Variants in UNC13C observed in about 807,000 individuals in gnomAD.
UNC13C encodes unc-13 homolog C, also known as protein unc-13 homolog C.
Under a neutral mutation model 245.4 loss-of-function variants are expected in UNC13C, and 174 were observed. The observed-to-expected ratio is 0.71, with a 90% CI of 0.63 to 0.80. UNC13C has a LOEUF of 0.80. UNC13C is among the 30% of genes least tolerant of loss of function. The probability of loss-of-function intolerance (pLI) is 0.00; values close to 1 mark genes in which losing one functional copy is unlikely to be tolerated. For synonymous variants in UNC13C, 992 were observed against 895.1 expected, an observed-to-expected ratio of 1.11 and a Z score of -1.93; for missense variants, 2,829 against 2,602.9, an observed-to-expected ratio of 1.09 and a Z score of -1.89.
At chr15:53,858,567 T>C in the UNC13C span, among the ~76,000 whole-genome samples, 1 of 152,026 alleles carries the variant, frequency 6.6e-6, no homozygotes, top group Non-Finnish European at 1.5e-5. Context: ...ATTACAGGCA[T>C]GCCTCACCGC....
chr15:54,582,981 C>T (rs1343394205), intron 30 of UNC13C, among the ~76,000 whole-genome samples: 1 of 152,128 alleles, frequency 6.6e-6, no homozygotes, highest in African/African-American at 2.4e-5. Flanking sequence ...TTCAGCATCA[C>T]CTGTCGGGCT....
chr15:54,515,440 A>G (rs1172111201), intron 24 of UNC13C, among the ~76,000 whole-genome samples: 1 of 152,210 alleles, frequency 6.6e-6, no homozygotes, highest in Non-Finnish European at 1.5e-5. Context: ...ATTGCAAATA[A>G]TTACTTAGCT....
chr15:54,305,671 C>T (rs894291485), intron 13 of UNC13C, among the ~76,000 whole-genome samples: 6 of 151,944 alleles, frequency 3.9e-5, no homozygotes, highest in Non-Finnish European at 5.9e-5. Context: ...AAACCTAGAA[C>T]GCAACATTTG....
chr15:53,873,277 G>A, the UNC13C span, among the ~76,000 whole-genome samples: 6 of 151,974 alleles, frequency 3.9e-5, no homozygotes, highest in African/African-American at 1.5e-4. Context: ...AGTTTTCTGC[G>A]GAGACTGGGG....
intron 4 of UNC13C, among the ~76,000 whole-genome samples, chr15:54,210,166 T>C (rs1237344399): frequency 6.7e-6 from 1 of 150,258 alleles, no homozygotes; most frequent in Non-Finnish European, 1.5e-5. Context: ...AGAAATGAAA[T>C]AAATATTTAT....
At position 54,322,019 on chromosome 15, in the gene UNC13C, C is replaced by T. The variant is rs1245780696; in HGVS notation, c.4349C>T (p.Ala1450Val). 1 of 1,589,038 alleles carries T rather than the reference C, an allele frequency of 6.3e-7. No individual in the cohort carries two copies. The highest frequency in any genetic ancestry group is 8.6e-7 in the Non-Finnish European group (1 of 1,166,258). ...VMSTLLANIN[A>V]FYAHTTVSTN... ...AGCACCTTGCTGGCTAATATAAATG[C>T]TTTTTATGCTCACACAACAGTTTCA... The change falls in exon 14 of 33, where the codon GCT becomes GTT. Residue 1450 changes from alanine to valine, a missense_variant. Transcript: ENST00000260323.
At chr15:54,135,071 A>G (rs940209079) in intron 2 of UNC13C, among the ~76,000 whole-genome samples, 1 of 152,258 alleles carries the variant, frequency 6.6e-6, no homozygotes, top group Non-Finnish European at 1.5e-5. Context: ...GATGAATGAT[A>G]TTGAGCACCT....
chr15:54,464,735 C>A (rs949653206), intron 19 of UNC13C, among the ~76,000 whole-genome samples: 3 of 152,054 alleles, frequency 2.0e-5, no homozygotes, highest in Non-Finnish European at 4.4e-5. Context: ...TTCAGATTAT[C>A]CAGTAGAAAA....
At chr15:53,950,778 A>G in the UNC13C span, among the ~76,000 whole-genome samples, 3 of 151,946 alleles carry the variant, frequency 2.0e-5, no homozygotes, top group Non-Finnish European at 2.9e-5. Context: ...GAGCAAGCTC[A>G]GGGTTGGCAT....
chr15:54,110,839 G>A (rs1900733624), intron 2 of UNC13C, among the ~76,000 whole-genome samples: 1 of 152,112 alleles, frequency 6.6e-6, no homozygotes. Flanking sequence ...AGGCAGAAAT[G>A]GAAGCTTGAT....
intron 32 of UNC13C, among the ~76,000 whole-genome samples, chr15:54,626,491 A>G (rs1027803356): frequency 2.0e-5 from 3 of 152,172 alleles, no homozygotes; most frequent in African/African-American, 7.2e-5. Flanking sequence ...TTGAAATGGC[A>G]TATAAATTCT....
At chr15:54,525,420 A>G in intron 24 of UNC13C, 129 bp from the exon 25 acceptor site, 1 of 575,402 alleles carries the variant, frequency 1.7e-6, no homozygotes, top group Non-Finnish European at 2.8e-6. Flanking sequence ...ACCAAAAAAA[A>G]AAAAAAAGAA....
At chr15:54,298,912 A>G (rs1299697665) in intron 12 of UNC13C, among the ~76,000 whole-genome samples, 2 of 152,162 alleles carry the variant, frequency 1.3e-5, no homozygotes, top group East Asian at 3.9e-4. Flanking sequence ...ATATTCATGA[A>G]AATTTATACA....
chr15:54,235,720 G>C (rs1029484999), intron 5 of UNC13C, among the ~76,000 whole-genome samples: 30 of 152,048 alleles, frequency 2.0e-4, no homozygotes, highest in Non-Finnish European at 4.3e-4. Flanking sequence ...GAGTGGTTGT[G>C]GGCACCTGTA....
chr15:54,138,509 A>G (rs2031847381), intron 2 of UNC13C, among the ~76,000 whole-genome samples: 1 of 152,044 alleles, frequency 6.6e-6, no homozygotes, highest in Non-Finnish European at 1.5e-5. Flanking sequence ...TATTTTATAC[A>G]TCAGGAACAT....
Position 54,263,005 on chromosome 15 carries a change from T to A in UNC13C, c.3449-1163T>A, listed in dbSNP as rs187102022. Among the ~76,000 whole-genome samples the A allele has an allele frequency of 4.9e-4, 74 of 152,320 alleles. 2 individuals carry two copies. The highest frequency in any genetic ancestry group is 4.8e-3 in the Admixed American group (73 of 15,302). The stretch of plus-strand genomic sequence containing the variant: ...TTAGGTTCAAAGAACATTACTGATA[T>A]TATCTTTTATTGTAGAAATTGTGCT... On this transcript the variant is annotated intron_variant, in intron 8 of 32. Coordinates refer to ENST00000260323, the MANE Select transcript of UNC13C (RefSeq NM_001080534.3).
intron 19 of UNC13C, among the ~76,000 whole-genome samples, chr15:54,477,695 A>G (rs992267080): frequency 3.6e-5 from 5 of 139,952 alleles, no homozygotes; most frequent in Non-Finnish European, 6.2e-5. Context: ...TTGATGTGCT[A>G]CTGGATTCGC....
At chr15:54,558,446 A>G (rs747245272) in intron 29 of UNC13C, among the ~76,000 whole-genome samples, 18 of 152,046 alleles carry the variant, frequency 1.2e-4, no homozygotes, top group South Asian at 2.1e-4. Flanking sequence ...AGTAAAATGT[A>G]GCAGGCTAAA....
rs1174516175 is a variant in UNC13C, at chr15:54,323,025, G to A, written c.4425+930G>A. ...TTTGTTCTCTTTTTTTTTTTTTCAT[G>A]GAGGAAACTAAGATCAGTTGTGGGA... On this transcript the variant is annotated intron_variant, in intron 14 of 32. Coordinates refer to ENST00000260323, the MANE Select transcript of UNC13C (RefSeq NM_001080534.3). 2.7e-5 allele frequency among the ~76,000 whole-genome samples: 4 copies of A among 150,814 alleles called. No individual in the cohort carries two copies. In the East Asian group the frequency reaches 7.9e-4, roughly 30 times the overall value.
Sources: allele counts gnomAD v4.1 joint callset (sites outside exome capture counted in the v4.1 genomes callset), GRCh38; gene constraint gnomAD v4.1.1; transcripts MANE v1.5; gene names NCBI Gene and HGNC (gene_info 2026-07-23, HGNC 2026-07-21).